Variants in NUP153 observed in about 807,000 individuals in gnomAD.
NUP153 encodes nucleoporin 153, also known as nuclear pore complex protein Nup153.
A neutral mutation model predicts 134.6 loss-of-function variants in NUP153; 27 were observed. The observed-to-expected ratio is 0.20, with a 90% CI of 0.15 to 0.28. The LOEUF (loss-of-function observed/expected upper bound fraction) is 0.28. Among genes scored for constraint, NUP153 ranks in the 10% least tolerant of loss-of-function variants. The probability of loss-of-function intolerance (pLI) is 1.00; values close to 1 mark genes in which losing one functional copy is unlikely to be tolerated. For missense variants in NUP153, 1,821 were observed against 1,731.3 expected (o/e 1.05, Z -0.92); for synonymous variants, 640 against 623.5 (o/e 1.03, Z -0.40).
intron 1 of NUP153, among the ~76,000 whole-genome samples, chr6:17,701,833 G>GGC (rs150260928): frequency 2.0e-5 from 1 of 48,958 alleles, no homozygotes; most frequent in East Asian, 4.5e-4. Flanking sequence ...ACTCTGTCTC[G>GGC]GGGGGGGGGG....
chr6:17,617,774 G>A (rs952764144), intron 20 of NUP153, among the ~76,000 whole-genome samples: 2 of 152,120 alleles, frequency 1.3e-5, no homozygotes, highest in Non-Finnish European at 2.9e-5. Flanking sequence ...GAGCCTAGGA[G>A]GTCGAGGACG....
chr6:17,621,792 A>T (rs1472392711), intron 20 of NUP153, among the ~76,000 whole-genome samples: 7 of 152,196 alleles, frequency 4.6e-5, no homozygotes, highest in Non-Finnish European at 8.8e-5. Flanking sequence ...AGTAGAGTTA[A>T]CAATAATTTA....
At chr6:17,705,023 C>T (rs766974357) in intron 1 of NUP153, among the ~76,000 whole-genome samples, 1 of 152,212 alleles carries the variant, frequency 6.6e-6, no homozygotes, top group Non-Finnish European at 1.5e-5. Context: ...TCCCAAAGTG[C>T]TGGGATTACA....
Position 17,647,859 on chromosome 6 carries a change from A to C in NUP153, c.1580T>G (p.Phe527Cys). The C allele has an allele frequency of 6.2e-7, 1 of 1,613,810 alleles. No homozygotes were observed. Among genetic ancestry groups the C allele is most frequent in the Non-Finnish European group, 8.5e-7 (1 of 1,179,740 alleles). The change falls in exon 13 of 22, where the codon TTT becomes TGT. Residue 527 changes from phenylalanine (F) to cysteine (C), a missense_variant. Coordinates refer to ENST00000262077, the MANE Select transcript of NUP153 (RefSeq NM_005124.4). ...AGTAGATTTTACGATTGGAGATGAA[A>C]ATTTAAACATGGGACTGCCAGTGCT... is the stretch of plus-strand genomic sequence containing the variant. ...PSSTGSPMFK[F>C]SSPIVKSTEA...
chr6:17,665,270 T>G lies in NUP153; in HGVS notation c.1184A>C (p.Lys395Thr). Residue 395 changes from lysine (K) to threonine (T), a missense_variant, in exon 9 of 22, where the codon AAG becomes ACG. Transcript: ENST00000262077. The part of the protein sequence containing the change: ...PSLTPSGEFR[K>T]TNQRIDNKCS... ...CTTGTTATCTATTCTTTGATTAGTC[T>G]TCCTGAATTCACCAGAAGGAGTCAG... 1 of 1,609,292 alleles carries G rather than the reference T, an allele frequency of 6.2e-7. No homozygotes were observed. Among genetic ancestry groups the G allele is most frequent in the Middle Eastern group, 1.7e-4 (1 of 6,054 alleles).
intron 20 of NUP153, among the ~76,000 whole-genome samples, chr6:17,623,445 G>A (rs1169938973): frequency 6.6e-6 from 1 of 151,558 alleles, no homozygotes; most frequent in Non-Finnish European, 1.5e-5. Flanking sequence ...TACAATGGTG[G>A]TAGGATATGA....
chr6:17,620,766 T>C (rs1408593579), intron 20 of NUP153, among the ~76,000 whole-genome samples: 5 of 152,160 alleles, frequency 3.3e-5, no homozygotes, highest in Non-Finnish European at 7.3e-5. Flanking sequence ...TCTTCCAAAG[T>C]AGCCCCTGGA....
Position 17,628,960 on chromosome 6 carries a change from C to T in NUP153, c.3239G>A (p.Gly1080Glu). The T allele has an allele frequency of 6.2e-7, 1 of 1,614,110 alleles. No homozygotes were observed. The highest frequency in any genetic ancestry group is 8.5e-7 in the Non-Finnish European group (1 of 1,180,024). The change falls in exon 18 of 22, where the codon GGA (glycine) becomes GAA (glutamate). Residue 1080 changes from glycine to glutamate, a missense_variant. Transcript: ENST00000262077. The surrounding 1 kb of genome is among the most constrained non-coding windows in gnomAD (Gnocchi z 5.4). Reference sequence around the variant, plus strand: ...CTCCACGTTGCCAAAAGAGAATCCTCCTTTGGTGGCAGGCATTTCTTCTTT... The same window carrying T: ...CTCCACGTTGCCAAAAGAGAATCCTTCTTTGGTGGCAGGCATTTCTTCTTT... ...AKKEEMPATK[G>E]GFSFGNVEPA...
chr6:17,649,532 C>CT (rs747457711), intron 11 of NUP153, among the ~76,000 whole-genome samples: 7 of 150,154 alleles, frequency 4.7e-5, no homozygotes, highest in Non-Finnish European at 1.0e-4. Context: ...ATTGGTAAAA[C>CT]TGAGGGAAAA....
At chr6:17,659,783 C>G (rs1399880723) in intron 11 of NUP153, among the ~76,000 whole-genome samples, 1 of 152,098 alleles carries the variant, frequency 6.6e-6, no homozygotes, top group African/African-American at 2.4e-5. Flanking sequence ...CAACCCGTTT[C>G]TTAAATATAA....
At chr6:17,696,993 CCTG>C (rs1282361869) in intron 1 of NUP153, among the ~76,000 whole-genome samples, 1 of 151,510 alleles carries the variant, frequency 6.6e-6, no homozygotes, top group Admixed American at 6.6e-5. Flanking sequence ...ATCACTTGAA[CCTG>C]GGAGACGGAG....
In NUP153 at chr6:17,627,519, A is replaced by G. The variant is rs561585876; in HGVS notation, c.3544+1136T>C. Among the ~76,000 whole-genome samples the G allele has an allele frequency of 2.0e-5, 3 of 152,250 alleles. No individual in the cohort carries two copies. The South Asian group carries it at 6.2e-4, about 32-fold the overall frequency. Reference sequence around the variant, plus strand: ...TGTTGTTGTTGGGTTTTCTTGAGACAGAGCCTTGTTCTGTTGCCCAAGCTG... The same window carrying G: ...TGTTGTTGTTGGGTTTTCTTGAGACGGAGCCTTGTTCTGTTGCCCAAGCTG... On this transcript the variant is annotated intron_variant, in intron 18 of 21. Coordinates refer to ENST00000262077, the MANE Select transcript of NUP153 (RefSeq NM_005124.4).
chr6:17,669,378 T>C lies in NUP153; in HGVS notation c.970-41A>G, dbSNP rs762481848. 6.9e-6 allele frequency: 11 copies of C among 1,597,300 alleles called. No individual in the cohort carries two copies. The South Asian group carries it at 8.8e-5, about 13-fold the overall frequency. On this transcript the variant is annotated intron_variant, in intron 6 of 21. Coordinates refer to ENST00000262077, the MANE Select transcript of NUP153 (RefSeq NM_005124.4). The stretch of plus-strand genomic sequence containing the variant: ...AAATAACAAAATTAAGATTTTTCAA[T>C]AATATCAAGTTTTGTTACACTCCTG...
intron 18 of NUP153, 45 bp from the exon 19 acceptor site, chr6:17,626,209 G>A (rs778588268): frequency 3.2e-5 from 47 of 1,449,364 alleles, no homozygotes; most frequent in Non-Finnish European, 4.3e-5. Context: ...CTTAAGAATA[G>A]TCTCAGAAAG....
chr6:17,694,469 G>A (rs1433576204), intron 1 of NUP153, among the ~76,000 whole-genome samples: 1 of 152,082 alleles, frequency 6.6e-6, no homozygotes, highest in Non-Finnish European at 1.5e-5. Context: ...GACCAGCCTG[G>A]CCAACATGGT....
chr6:17,634,113 C>T lies in NUP153; in HGVS notation c.2465-1269G>A, dbSNP rs570175746. On this transcript the variant is annotated intron_variant, in intron 16 of 21. Transcript: ENST00000262077. ...TGCTATTCTGGTTCATGAACCCCCC[C>T]CATTACTCCCACCACTAACCCATCT... Among the ~76,000 whole-genome samples, 4 of 152,206 alleles carry T rather than the reference C, an allele frequency of 2.6e-5. No individual in the cohort carries two copies. The South Asian group carries it at 8.3e-4, about 32-fold the overall frequency.
chr6:17,701,600 G>A (rs1770077133), intron 1 of NUP153, among the ~76,000 whole-genome samples: 1 of 150,632 alleles, frequency 6.6e-6, no homozygotes. Flanking sequence ...GGCGGAGGTT[G>A]CAGTGAGCCG....
At chr6:17,698,088 T>C (rs1769782919) in intron 1 of NUP153, among the ~76,000 whole-genome samples, 1 of 152,212 alleles carries the variant, frequency 6.6e-6, no homozygotes, top group South Asian at 2.1e-4. Context: ...TCTTTAACTA[T>C]AAATATCAAA....
chr6:17,648,008 T>C lies in NUP153; in HGVS notation c.1534-103A>G, dbSNP rs1581700549. On this transcript the variant is annotated intron_variant, in intron 12 of 21. Coordinates refer to ENST00000262077, the MANE Select transcript of NUP153 (RefSeq NM_005124.4). ...AACTGATTATTCCAAAGACACTAAGTATTTTTTCCTTTTAAATTTAAAAAT... is the reference window on the plus strand; with the variant it reads ...AACTGATTATTCCAAAGACACTAAGCATTTTTTCCTTTTAAATTTAAAAAT... 17 of 704,136 alleles carry C rather than the reference T, an allele frequency of 2.4e-5. No individual in the cohort carries two copies. The East Asian group carries it at 4.4e-4, about 18-fold the overall frequency. 43.6% of individuals were successfully genotyped at this position (704,136 alleles called of 1,614,324 possible).
Sources: gnomAD v4.1 joint callset for allele counts (sites outside exome capture counted in the v4.1 genomes callset) on GRCh38, gnomAD v4.1.1 for gene constraint, Gnocchi (gnomAD v3.1) non-coding constraint, MANE v1.5 for transcripts, NCBI Gene and HGNC (gene_info 2026-07-23, HGNC 2026-07-21) for gene names.